Variants in YTHDC2 observed in about 807,000 individuals in gnomAD.
The protein encoded by YTHDC2 is 3'-5' RNA helicase YTHDC2.
YTHDC2 carries 45 observed loss-of-function variants against 174.9 expected under a neutral mutation model. The ratio of observed to expected loss-of-function variants is 0.26; its 90% CI spans 0.20 to 0.33. The LOEUF (loss-of-function observed/expected upper bound fraction) is 0.33. Among genes scored for constraint, YTHDC2 ranks in the 10% least tolerant of loss-of-function variants. YTHDC2 has a pLI of 1.00. For synonymous variants in YTHDC2, 657 were observed against 574.5 expected (o/e 1.14, Z -2.05); for missense variants, 1,650 against 1,723.7 (o/e 0.96, Z 0.76).
intron 7 of YTHDC2, among the ~76,000 whole-genome samples, chr5:113,537,425 G>A (rs1194753582): frequency 7.2e-6 from 1 of 139,424 alleles, no homozygotes; most frequent in Non-Finnish European, 1.5e-5. Flanking sequence ...ATTGCTGCTT[G>A]CTAAACCTCA....
chr5:113,552,738 T>C (rs1188924706), intron 12 of YTHDC2, among the ~76,000 whole-genome samples: 1 of 152,120 alleles, frequency 6.6e-6, no homozygotes, highest in African/African-American at 2.4e-5. Flanking sequence ...AACTGCCACA[T>C]TGTTTTCCAA....
intron 17 of YTHDC2, 80 bp from the exon 18 acceptor site, chr5:113,561,000 T>C (rs1388382674): frequency 8.3e-7 from 1 of 1,198,882 alleles, no homozygotes; most frequent in Non-Finnish European, 1.1e-6. Flanking sequence ...ATTTTTCTCT[T>C]TCCTAAATCA....
intron 23 of YTHDC2, among the ~76,000 whole-genome samples, chr5:113,568,701 A>G (rs764034486): frequency 3.3e-5 from 5 of 152,136 alleles, no homozygotes; most frequent in Admixed American, 1.3e-4. Context: ...AAAGGACATG[A>G]TCTAATTCCT....
chr5:113,529,454 C>T (rs888585879), intron 4 of YTHDC2, among the ~76,000 whole-genome samples: 1 of 152,156 alleles, frequency 6.6e-6, no homozygotes, highest in Non-Finnish European at 1.5e-5. Context: ...GCTAGATTCA[C>T]TGGTTATTGT....
chr5:113,581,342 A>T (rs946101923), intron 24 of YTHDC2, 75 bp from the exon 25 acceptor site: 5 of 1,337,982 alleles, frequency 3.7e-6, no homozygotes, highest in Non-Finnish European at 4.9e-6. Context: ...GTTGCAAACT[A>T]ATGGAAACTA....
intron 17 of YTHDC2, among the ~76,000 whole-genome samples, chr5:113,558,593 G>A (rs998578777): frequency 3.3e-5 from 5 of 152,066 alleles, no homozygotes; most frequent in Non-Finnish European, 4.4e-5. Context: ...AGTCAGATAG[G>A]GAAAATTGGA....
At chr5:113,589,798 T>C (rs1464165559) in intron 26 of YTHDC2, among the ~76,000 whole-genome samples, 2 of 152,148 alleles carry the variant, frequency 1.3e-5, no homozygotes, top group Non-Finnish European at 2.9e-5. Context: ...TCTACCTTCT[T>C]GGACATAATG....
chr5:113,541,509 A>G (rs940302192), intron 9 of YTHDC2, among the ~76,000 whole-genome samples: 5 of 152,014 alleles, frequency 3.3e-5, no homozygotes, highest in Admixed American at 3.3e-4. Context: ...GTAATTTTTT[A>G]CTGCATAATT....
chr5:113,555,916 C>G (rs1430539920), intron 16 of YTHDC2, 136 bp from the exon 17 acceptor site: 1 of 520,584 alleles, frequency 1.9e-6, no homozygotes, highest in Non-Finnish European at 3.5e-6. Context: ...AAAATCAGTA[C>G]TGCTGTTTTA....
intron 22 of YTHDC2, 149 bp downstream of exon 22, chr5:113,567,446 A>T (rs1271205942): frequency 2.1e-6 from 1 of 486,670 alleles, no homozygotes; most frequent in Non-Finnish European, 3.1e-6. Context: ...ATTGGAACAA[A>T]ACTTATAAAT....
intron 16 of YTHDC2, among the ~76,000 whole-genome samples, chr5:113,555,094 C>G (rs1580569108): frequency 6.6e-6 from 1 of 151,686 alleles, no homozygotes. Flanking sequence ...AGTATTATCA[C>G]TAAAAATCTT....
chr5:113,538,460 A>G (rs749545998), intron 7 of YTHDC2, among the ~76,000 whole-genome samples: 39 of 152,244 alleles, frequency 2.6e-4, no homozygotes, highest in Admixed American at 7.2e-4. Flanking sequence ...CCATTTTTCA[A>G]GTAAGTTAGC....
At chr5:113,545,970 G>C (rs1775860525) in intron 10 of YTHDC2, among the ~76,000 whole-genome samples, 1 of 51,880 alleles carries the variant, frequency 1.9e-5, no homozygotes, top group Non-Finnish European at 3.3e-5. Flanking sequence ...TCGATCTCCT[G>C]ACCTCGTGAT....
At chr5:113,518,520 C>G (rs536238541) in intron 2 of YTHDC2, among the ~76,000 whole-genome samples, 32 of 151,336 alleles carry the variant, frequency 2.1e-4, no homozygotes, top group African/African-American at 7.3e-4. Flanking sequence ...AAAAAATAAT[C>G]TATCGTTAAC....
At chr5:113,539,717 C>T (rs372102038) in intron 8 of YTHDC2, among the ~76,000 whole-genome samples, 8 of 152,112 alleles carry the variant, frequency 5.3e-5, no homozygotes, top group African/African-American at 1.7e-4. Flanking sequence ...CATTATTCAT[C>T]ATAGAAGACT....
intron 2 of YTHDC2, among the ~76,000 whole-genome samples, chr5:113,521,781 A>G (rs1171799071): frequency 2.0e-5 from 3 of 149,494 alleles, no homozygotes; most frequent in African/African-American, 7.3e-5. Context: ...CTGTAGGCAT[A>G]GTGACCATGC....
rs142445462 is a variant in YTHDC2, at chr5:113,565,104, C to G, written c.2716-789C>G. On this transcript the variant is annotated intron_variant, in intron 20 of 29. Transcript: ENST00000161863. Reference sequence around the variant, plus strand: ...GCTGGGATTACCATGTGTGAGCCACCATGCCCAGCCATATTTTTTAAAAAT... The same window carrying G: ...GCTGGGATTACCATGTGTGAGCCACGATGCCCAGCCATATTTTTTAAAAAT... Among the ~76,000 whole-genome samples the G allele has an allele frequency of 6.1e-3, 936 of 152,264 alleles. 13 individuals are homozygous for G. Among genetic ancestry groups the G allele is most frequent in the African/African-American group, 0.021 (889 of 41,548 alleles).
chr5:113,576,531 A>T (rs528042733), intron 23 of YTHDC2, among the ~76,000 whole-genome samples: 1 of 152,324 alleles, frequency 6.6e-6, no homozygotes, highest in East Asian at 1.9e-4. Context: ...TTCTTTCTCC[A>T]TACTCAACCA....
chr5:113,585,966 A>G (rs761580365), intron 26 of YTHDC2, among the ~76,000 whole-genome samples: 3 of 152,060 alleles, frequency 2.0e-5, no homozygotes, highest in East Asian at 1.9e-4. Context: ...AACTGGTACT[A>G]ACATTCAAGT....
Sources: gnomAD v4.1 joint callset for allele counts (sites outside exome capture counted in the v4.1 genomes callset) on GRCh38, gnomAD v4.1.1 for gene constraint, MANE v1.5 for transcripts, NCBI Gene and HGNC (gene_info 2026-07-23, HGNC 2026-07-21) for gene names.